The following ASB15 variants were observed in gnomAD, a reference collection of about 807,000 sequenced individuals.
The protein encoded by ASB15 is ankyrin repeat and SOCS box protein 15.
In ASB15, 54 loss-of-function variants were observed where a neutral mutation model predicts 58.0. The observed-to-expected ratio is 0.93, with a 90% CI of 0.75 to 1.17. The LOEUF is 1.17. Ranked by LOEUF, ASB15 falls within the 50% of genes most tolerant of loss-of-function variation. ASB15 has a pLI of 0.00. For missense variants in ASB15, 680 were observed against 707.4 expected (o/e 0.96, Z 0.44); for synonymous variants, 249 against 262.4 (o/e 0.95, Z 0.50).
chr7:123,567,735 T>C (rs1798800044), intron 1 of ASB15, among the ~76,000 whole-genome samples: 1 of 152,110 alleles, frequency 6.6e-6, no homozygotes, highest in Non-Finnish European at 1.5e-5. Context: ...CTTAGCCAGT[T>C]TCCCCTTATT....
Position 123,636,838 on chromosome 7 carries a change from C to T in ASB15, c.1624C>T (p.Arg542Trp), listed in dbSNP as rs749450721. Residue 542 changes from arginine to tryptophan, a missense_variant, in exon 12 of 12, where the codon CGG (arginine) becomes TGG (tryptophan). Physicochemically the swap from Arg to Trp is moderately radical, Grantham distance 101. Coordinates refer to ENST00000451215, the MANE Select transcript of ASB15 (RefSeq NM_001290258.2). ...TCCTTGTTCATTGAAGCATTTGTGT[C>T]GGTTAAAAATTCGAAGGCTTATGGG... is the stretch of plus-strand genomic sequence containing the variant. ...ENPCSLKHLC[R>W]LKIRRLMGLQ... The T allele has an allele frequency of 2.9e-5, 46 of 1,608,764 alleles. 1 individual carries two copies. In the South Asian group the frequency reaches 3.5e-4, roughly 12 times the overall value.
chr7:123,625,025 T>A, intron 8 of ASB15: 2 of 568,610 alleles, frequency 3.5e-6, no homozygotes, highest in Non-Finnish European at 6.1e-6. Flanking sequence ...CCTACGAATT[T>A]ACAAGCCCAG....
chr7:123,567,126 G>A (rs1050492264), intron 1 of ASB15: 1 of 152,214 alleles, frequency 6.6e-6, no homozygotes, highest in African/African-American at 2.4e-5. Context: ...GAGAAAATGT[G>A]TAGATTTCTG....
intron 1 of ASB15, among the ~76,000 whole-genome samples, chr7:123,589,664 G>T (rs976122094): frequency 1.1e-4 from 17 of 151,988 alleles, no homozygotes; most frequent in African/African-American, 3.9e-4. Flanking sequence ...CCTTTTTTAT[G>T]GCTGCATAGT....
intron 9 of ASB15, among the ~76,000 whole-genome samples, chr7:123,627,772 C>T (rs905010490): frequency 2.0e-5 from 3 of 152,186 alleles, no homozygotes; most frequent in East Asian, 3.9e-4. Context: ...TCCATACGAA[C>T]GGTTGAATAG....
intron 2 of ASB15, among the ~76,000 whole-genome samples, chr7:123,605,876 A>T (rs1182373634): frequency 6.6e-6 from 1 of 152,224 alleles, no homozygotes; most frequent in East Asian, 1.9e-4. Flanking sequence ...GCAAGGATAG[A>T]AAAACTACCT....
intron 11 of ASB15, among the ~76,000 whole-genome samples, chr7:123,631,292 T>C (rs1419603298): frequency 6.6e-6 from 1 of 152,172 alleles, no homozygotes; most frequent in African/African-American, 2.4e-5. Context: ...AAAGAAATAA[T>C]GCATATAAGG....
At chr7:123,611,318 G>A (rs959666652) in intron 3 of ASB15, among the ~76,000 whole-genome samples, 3 of 151,718 alleles carry the variant, frequency 2.0e-5, no homozygotes, top group East Asian at 3.9e-4. Context: ...TTTTTGAGAC[G>A]GAGTCTCGCT....
At chr7:123,616,601 TA>T in intron 6 of ASB15, 106 bp downstream of exon 6, 1 of 1,262,492 alleles carries the variant, frequency 7.9e-7, no homozygotes, top group Non-Finnish European at 1.1e-6. Context: ...AAAGGCAGAT[TA>T]AAATATTATT....
chr7:123,612,363 TCAGAAAA>T (rs1800514956), intron 3 of ASB15: 1 of 152,198 alleles, frequency 6.6e-6, no homozygotes, highest in Non-Finnish European at 1.5e-5. Flanking sequence ...TTGTTTCCTC[TCAGAAAA>T]CCAATGGTCC....
intron 1 of ASB15, among the ~76,000 whole-genome samples, chr7:123,594,990 G>T (rs1328304792): frequency 6.6e-6 from 1 of 152,088 alleles, no homozygotes; most frequent in Non-Finnish European, 1.5e-5. Context: ...GCATAAAACC[G>T]CCTACTCAAG....
intron 1 of ASB15, among the ~76,000 whole-genome samples, chr7:123,585,347 T>C (rs969435324): frequency 4.0e-5 from 6 of 151,796 alleles, no homozygotes; most frequent in Middle Eastern, 3.4e-3. Flanking sequence ...TTCCTCCCCC[T>C]ATTCCCTAAA....
Position 123,629,393 on chromosome 7 carries a change from GTGCTGCCAGGATGGACATCT to G in ASB15, c.1402_1421del (p.Leu468CysfsTer5). 6.2e-7 allele frequency: 1 copy of G among 1,613,164 alleles called. No homozygotes were observed. The highest frequency in any genetic ancestry group is 1.1e-5 in the South Asian group (1 of 91,012). Reference sequence around the variant, plus strand: ...TGTGTGGTCAGAGATACAGGAAGAGGTGCTGCCAGGATGGACATCTTGTGTAATAAAAGATAACCCGGTGA... The same window carrying G: ...TGTGTGGTCAGAGATACAGGAAGAGGTGTGTAATAAAAGATAACCCGGTGA... On this transcript the variant is annotated frameshift_variant, in exon 10 of 12. Transcript: ENST00000451215. LOFTEE classifies it high-confidence loss of function.
chr7:123,618,566 A>G (rs1800979459), intron 7 of ASB15, among the ~76,000 whole-genome samples: 1 of 152,172 alleles, frequency 6.6e-6, no homozygotes, highest in African/African-American at 2.4e-5. Context: ...ATAGATGTTC[A>G]AGAGGGAAGA....
chr7:123,585,008 A>C lies in ASB15; in HGVS notation c.-443+17920A>C, dbSNP rs201928863. ...GATGATTCTAAGAGTCACCTGAAAG[A>C]AACAATGAGTGAAATCAAAATATTT... On this transcript the variant is annotated intron_variant, in intron 1 of 13. Coordinates refer to the ASB15 transcript ENST00000451558. 13 of 152,012 alleles carry C rather than the reference A, an allele frequency of 8.6e-5. No individual in the cohort carries two copies. In the East Asian group the frequency reaches 2.3e-3, roughly 27 times the overall value. 9.4% of individuals were successfully genotyped at this position (152,012 alleles called of 1,614,324 possible).
chr7:123,615,816 A>C (rs1466414887), intron 4 of ASB15, among the ~76,000 whole-genome samples: 1 of 152,180 alleles, frequency 6.6e-6, no homozygotes, highest in African/African-American at 2.4e-5. Context: ...AAACCTAGAG[A>C]TCTTTCTATT....
chr7:123,575,362 G>A (rs1262536490), intron 1 of ASB15, among the ~76,000 whole-genome samples: 1 of 151,846 alleles, frequency 6.6e-6, no homozygotes, highest in Non-Finnish European at 1.5e-5. Flanking sequence ...TGTTAAATAT[G>A]TTCATACCTC....
Position 123,636,808 on chromosome 7 carries a change from G to A in ASB15, c.1595-1G>A. 1 of 1,596,750 alleles carries A rather than the reference G, an allele frequency of 6.3e-7. No individual in the cohort carries two copies. The highest frequency in any genetic ancestry group is 8.5e-7 in the Non-Finnish European group (1 of 1,174,474). On this transcript the variant is annotated splice_acceptor_variant, in intron 11 of 11. Coordinates refer to ENST00000451215, the MANE Select transcript of ASB15 (RefSeq NM_001290258.2). LOFTEE classifies it high-confidence loss of function. ...TTGCTTATTTTCCCGATTTCTTTTA[G>A]AGAATCCTTGTTCATTGAAGCATTT...
At chr7:123,612,921 CAATA>C (rs1341864842) in intron 3 of ASB15, among the ~76,000 whole-genome samples, 1 of 152,006 alleles carries the variant, frequency 6.6e-6, no homozygotes, top group Non-Finnish European at 1.5e-5. Flanking sequence ...AGCCAATAAA[CAATA>C]AATTAAAAAG....
Sources: allele counts gnomAD v4.1 joint callset (sites outside exome capture counted in the v4.1 genomes callset), GRCh38; gene constraint gnomAD v4.1.1; transcripts MANE v1.5; gene names NCBI Gene and HGNC (gene_info 2026-07-23, HGNC 2026-07-21).